Variants in PARP10 observed in about 807,000 individuals in gnomAD.
PARP10 encodes the protein poly(ADP-ribose) polymerase family member 10.
A neutral mutation model predicts 82.4 loss-of-function variants in PARP10; 56 were observed. The observed-to-expected ratio is 0.68, with a 90% CI of 0.55 to 0.85. The LOEUF (loss-of-function observed/expected upper bound fraction) is 0.85, where lower values mean the gene tolerates loss of function less well. Ranked by LOEUF, PARP10 falls within the 40% of genes least tolerant of loss-of-function variation. The pLI, the probability that PARP10 is intolerant of heterozygous loss-of-function variation, is 0.00. For synonymous variants in PARP10, 576 were observed against 601.1 expected, an observed-to-expected ratio of 0.96 and a Z score of 0.61; for missense variants, 1,227 against 1,379.4, an observed-to-expected ratio of 0.89 and a Z score of 1.75.
intron 1 of PARP10, among the ~76,000 whole-genome samples, chr8:143,998,993 C>CTCCTTCCTTCCTTCCTTCCTTCCT (rs34794348): frequency 2.9e-4 from 42 of 146,566 alleles, no homozygotes; most frequent in African/African-American, 1.1e-3. Context: ...TTAATTCTTT[C>CTCCTTCCTTCCTTCCTTCCTTCCT]TCCTTCCTTC....
At position 143,982,940 on chromosome 8, in the gene PARP10, C is replaced by A. The variant is rs782443058; in HGVS notation, c.2548G>T (p.Val850Phe). Residue 850 changes from valine (V) to phenylalanine (F), a missense_variant, in exon 9 of 11, where the codon GTC (valine) becomes TTC (phenylalanine). Val to Phe is a conservative substitution (Grantham distance 50). Coordinates refer to ENST00000313028, the MANE Select transcript of PARP10 (RefSeq NM_032789.5). ...ACAGGGCATGGACTCACACGAACGACGCGGATGCTGCTGCGGGCAGCGTCC... is the reference window on the plus strand; with the variant it reads ...ACAGGGCATGGACTCACACGAACGAAGCGGATGCTGCTGCGGGCAGCGTCC... ...TLDAARSSIRVVRVERVSHPL... is the reference protein window; with the variant it reads ...TLDAARSSIRFVRVERVSHPL... 3 of 1,613,712 alleles carry A rather than the reference C, an allele frequency of 1.9e-6. No individual in the cohort carries two copies. Among genetic ancestry groups the A allele is most frequent in the South Asian group, 2.2e-5 (2 of 91,080 alleles).
At chr8:144,001,720 A>G (rs966575922) in intron 1 of PARP10, among the ~76,000 whole-genome samples, 2 of 151,796 alleles carry the variant, frequency 1.3e-5, no homozygotes, top group African/African-American at 2.4e-5. Flanking sequence ...AAGAGAAGAG[A>G]AGAGAAAAGA....
In PARP10 at chr8:143,985,826, C is replaced by T; in HGVS notation, c.331G>A (p.Ala111Thr). The change falls in exon 3 of 11, where the codon GCC becomes ACC. Residue 111 changes from alanine to threonine, a missense_variant. Coordinates refer to ENST00000313028, the MANE Select transcript of PARP10 (RefSeq NM_032789.5). ...GGGAGCCCCGAGGCCCGCAGCAAGGCCTGGACATGCTGCTCCAAGCGCTGG... is the reference window on the plus strand; with the variant it reads ...GGGAGCCCCGAGGCCCGCAGCAAGGTCTGGACATGCTGCTCCAAGCGCTGG... ...TPQRLEQHVQALLRASGLPVQ... is the reference protein window; with the variant it reads ...TPQRLEQHVQTLLRASGLPVQ... 1 of 1,611,568 alleles carries T rather than the reference C, an allele frequency of 6.2e-7. No homozygotes were observed. Among genetic ancestry groups the T allele is most frequent in the Non-Finnish European group, 8.5e-7 (1 of 1,179,480 alleles).
In PARP10 at chr8:143,977,844, C is replaced by G. The variant is rs147608960; in HGVS notation, c.2732-14G>C. On this transcript the variant is annotated splice_polypyrimidine_tract_variant and intron_variant, in intron 10 of 10. Transcript: ENST00000313028. ...CGTAGACCGTGGCTGCAGGGCGAGA[C>G]GGGGCAAGGTCAGGGTGGTCGGGGT... is the stretch of plus-strand genomic sequence containing the variant. 1.2e-3 allele frequency: 1,883 copies of G among 1,597,086 alleles called. 3 individuals carry two copies. Among genetic ancestry groups the G allele is most frequent in the Middle Eastern group, 2.3e-3 (14 of 5,974 alleles).
At chr8:143,978,292 C>T (rs1191290983) in intron 9 of PARP10, among the ~76,000 whole-genome samples, 2 of 152,118 alleles carry the variant, frequency 1.3e-5, no homozygotes, top group Admixed American at 6.5e-5. Context: ...GAGGCCTGAC[C>T]CCTCCCCCTC....
chr8:143,980,048 G>A (rs1485842453), intron 9 of PARP10, among the ~76,000 whole-genome samples: 6 of 136,440 alleles, frequency 4.4e-5, no homozygotes, highest in Non-Finnish European at 6.2e-5. Context: ...TCAGCCGGGC[G>A]CGGTGGCTCA....
At chr8:143,991,761 C>G (rs782462875), upstream of PARP10, 6 of 1,613,704 alleles carry the variant, frequency 3.7e-6, no homozygotes, top group Non-Finnish European at 4.2e-6. Flanking sequence ...TTCCCTGCCA[C>G]CAACTGGGAT....
chr8:143,991,504 A>G (rs376627100), upstream of PARP10: 46 of 1,537,382 alleles, frequency 3.0e-5, no homozygotes, highest in Non-Finnish European at 3.8e-5. Flanking sequence ...CAGGGCCCCT[A>G]CCCCCAAGGG....
chr8:144,001,491 G>A (rs1419776313), intron 1 of PARP10, among the ~76,000 whole-genome samples: 1 of 152,138 alleles, frequency 6.6e-6, no homozygotes, highest in Admixed American at 6.5e-5. Context: ...CGGACCACTT[G>A]AGGTCAGGAG....
intron 1 of PARP10, among the ~76,000 whole-genome samples, chr8:143,998,021 G>A (rs1834175493): frequency 6.6e-6 from 1 of 152,026 alleles, no homozygotes; most frequent in Non-Finnish European, 1.5e-5. Context: ...TCAAACTCCT[G>A]GGTTCAAGCG....
chr8:143,991,694 C>G, upstream of PARP10: 2 of 1,611,086 alleles, frequency 1.2e-6, no homozygotes, highest in Non-Finnish European at 8.5e-7. Context: ...CTTCTCAGCA[C>G]CCCAGCATGG....
rs371446198 is a variant in PARP10 at position 144,004,067 on chromosome 8, C to T, written c.-80+8463G>A. Among the ~76,000 whole-genome samples the T allele has an allele frequency of 1.3e-4, 20 of 151,834 alleles. No individual in the cohort carries two copies. In the East Asian group the frequency reaches 1.6e-3, roughly 12 times the overall value. ...GTGGTGCACGCCTGTAATCCCAGCACTTTGGGAAGCCAAGGCAGGAGGATC... is the reference window on the plus strand; with the variant it reads ...GTGGTGCACGCCTGTAATCCCAGCATTTTGGGAAGCCAAGGCAGGAGGATC... On this transcript the variant is annotated intron_variant, in intron 1 of 3. Transcript: ENST00000530478.
chr8:143,983,604 C>G lies in PARP10; in HGVS notation c.1985G>C (p.Arg662Pro), dbSNP rs555688006. Reference sequence around the variant, plus strand: ...CACCTGACCTTGAGGCTCCAGTGACCGGTGGAGGGCCAGCTGCAGAGCGGC... The same window carrying G: ...CACCTGACCTTGAGGCTCCAGTGACGGGTGGAGGGCCAGCTGCAGAGCGGC... Reference protein sequence around the residue: ...EEAALQLALHRSLEPQGQVAE... With the variant: ...EEAALQLALHPSLEPQGQVAE... The change falls in exon 8 of 11, where the codon CGG becomes CCG. Residue 662 changes from arginine to proline, a missense_variant. Coordinates refer to ENST00000313028, the MANE Select transcript of PARP10 (RefSeq NM_032789.5). 3 of 1,604,102 alleles carry G rather than the reference C, an allele frequency of 1.9e-6. No individual in the cohort carries two copies. The highest frequency in any genetic ancestry group is 1.7e-6 in the Non-Finnish European group (2 of 1,175,318).
upstream of PARP10, chr8:143,991,437 G>C (rs992349130): frequency 2.8e-6 from 4 of 1,453,140 alleles, no homozygotes; most frequent in Non-Finnish European, 3.6e-6. Flanking sequence ...CTACCCACAG[G>C]GTCCCTACCC....
upstream of PARP10, chr8:143,991,529 G>A (rs782085222): frequency 6.5e-7 from 1 of 1,548,300 alleles, no homozygotes; most frequent in East Asian, 2.3e-5. Context: ...ACCCCCAGGG[G>A]CCATATCCCC....
intron 1 of PARP10, among the ~76,000 whole-genome samples, chr8:144,002,440 A>G (rs1834208928): frequency 6.6e-6 from 1 of 152,232 alleles, no homozygotes; most frequent in African/African-American, 2.4e-5. Flanking sequence ...TTGACATAGA[A>G]GAGTAAAAGA....
intron 1 of PARP10, chr8:144,012,316 G>A: frequency 1.7e-6 from 1 of 597,206 alleles, no homozygotes; most frequent in East Asian, 2.8e-5. Flanking sequence ...GTACAGGCCT[G>A]GTGGCATGGA....
intron 1 of PARP10, among the ~76,000 whole-genome samples, chr8:143,998,866 C>T (rs1022235636): frequency 6.6e-6 from 1 of 151,960 alleles, no homozygotes; most frequent in Non-Finnish European, 1.5e-5. Context: ...GGGAGGATCA[C>T]CTGAGCTAGG....
Position 143,985,445 on chromosome 8 carries a change from G to A in PARP10, c.640C>T (p.Leu214=), listed in dbSNP as rs538497378. 14 of 1,611,800 alleles carry A rather than the reference G, an allele frequency of 8.7e-6. No individual in the cohort carries two copies. The East Asian group carries it at 3.1e-4, about 36-fold the overall frequency. ...LEDLQRLPGP[L]GTVASFQQWQ... ...TGCTGGAAGGAGGCAACAGTGCCCA[G>A]GGGCCCGGGTAGGCGTTGCAGGTCC... The change falls in exon 4 of 11, where the codon CTG becomes TTG. Residue 214 remains leucine, a synonymous_variant. Transcript: ENST00000313028.
Sources: allele counts gnomAD v4.1 joint callset (sites outside exome capture counted in the v4.1 genomes callset), GRCh38; gene constraint gnomAD v4.1.1; transcripts MANE v1.5; gene names NCBI Gene and HGNC (gene_info 2026-07-23, HGNC 2026-07-21).